The following CHML variants were observed in gnomAD, a reference collection of about 807,000 sequenced individuals.
CHML encodes CHM like Rab escort protein, also known as rab proteins geranylgeranyltransferase component A 2.
In CHML, 20 loss-of-function variants were observed where a neutral mutation model predicts 30.4. The observed-to-expected ratio is 0.66, with a 90% confidence interval of 0.46 to 0.95. The LOEUF is 0.95. Ranked by LOEUF, CHML falls within the 40% of genes least tolerant of loss-of-function variation. The pLI is 0.00. For missense variants in CHML, 795 were observed against 768.5 expected (o/e 1.03, Z -0.41); for synonymous variants, 281 against 275.0 (o/e 1.02, Z -0.22).
In CHML at chr1:241,639,893, C is replaced by A; in HGVS notation, c.-319G>T. 3 of 1,582,736 alleles carry A rather than the reference C, an allele frequency of 1.9e-6. No individual in the cohort carries two copies. Among genetic ancestry groups the A allele is most frequent in the Middle Eastern group, 1.7e-4 (1 of 5,956 alleles). The stretch of plus-strand genomic sequence containing the variant: ...CCAGTCCAACTCACCGAAGAGGCTG[C>A]CGCTAAACCCGTCCCACACGCAGCC... On this transcript the variant is annotated 5_prime_UTR_variant, in exon 1 of 2. Coordinates refer to ENST00000366553, the MANE Select transcript of CHML (RefSeq NM_001381853.1).
At position 241,630,514 on chromosome 1, in the gene CHML, TTATAC is replaced by T. The variant is rs1280512633; in HGVS notation, c.*3277_*3281del. 2 of 152,086 alleles carry T rather than the reference TTATAC, an allele frequency of 1.3e-5. No individual in the cohort carries two copies. Among genetic ancestry groups the T allele is most frequent in the Admixed American group, 6.6e-5 (1 of 15,266 alleles). The allele number at this position is 152,086 out of a possible 1,614,324, so 9.4% of individuals were successfully genotyped here. On this transcript the variant is annotated 3_prime_UTR_variant, in exon 2 of 2. Transcript: ENST00000366553. ...TGAATTAGTCTTTGTTAGTACATTT[TTATAC>T]TATAAGTTTTAGCAGTTGTAAAGCC...
rs1664726193 is a variant in CHML, at chr1:241,633,446, T to C, written c.*350A>G. 1 of 208,444 alleles carries C rather than the reference T, an allele frequency of 4.8e-6. No individual in the cohort carries two copies. The highest frequency in any genetic ancestry group is 9.6e-6 in the Non-Finnish European group (1 of 103,642). The allele number at this position is 208,444 out of a possible 1,614,324, so 12.9% of individuals were successfully genotyped here. ...ATTACTTGGGTATTACTAATTGTTCTGTAGACAAAGATAAAATCTGAAGAT... is the reference window on the plus strand; with the variant it reads ...ATTACTTGGGTATTACTAATTGTTCCGTAGACAAAGATAAAATCTGAAGAT... On this transcript the variant is annotated 3_prime_UTR_variant, in exon 2 of 2. Transcript: ENST00000366553.
At chr1:241,639,809 C>A in intron 1 of CHML, 73 bp downstream of exon 1, 1 of 1,320,372 alleles carries the variant, frequency 7.6e-7, no homozygotes, top group Non-Finnish European at 9.8e-7. Flanking sequence ...GGGGGGCGGA[C>A]GCACGGAGCG....
In CHML at chr1:241,640,326, G is replaced by A. The variant is rs1234674452; in HGVS notation, c.-752C>T. 3 of 1,085,388 alleles carry A rather than the reference G, an allele frequency of 2.8e-6. No individual in the cohort carries two copies. The highest frequency in any genetic ancestry group is 9.0e-5 in the South Asian group (2 of 22,286). 67.2% of individuals were successfully genotyped at this position (1,085,388 alleles called of 1,614,324 possible). A position where few individuals can be genotyped will look rare whatever the true frequency, so the allele number is the denominator to read the frequency against. ...CGGGGCTCGCGGCGCGCTCCGCACT[G>A]GGTGGGGTTGGGGCTCCGCCGCCTG... is the stretch of plus-strand genomic sequence containing the variant. On this transcript the variant is annotated 5_prime_UTR_variant, in exon 1 of 2. Coordinates refer to ENST00000366553, the MANE Select transcript of CHML (RefSeq NM_001381853.1).
Position 241,635,329 on chromosome 1 carries a change from C to G in CHML, c.438G>C (p.Ser146=). ...DSALPEESQL[S]YFNSDEMPAK... ...CAGGCATTTCGTCGCTATTAAAATA[C>G]GATAACTGGCTTTCTTCAGGTAATG... The change falls in exon 2 of 2, where the codon TCG becomes TCC. Residue 146 remains serine, a synonymous_variant. Coordinates refer to ENST00000366553, the MANE Select transcript of CHML (RefSeq NM_001381853.1). 1.2e-6 allele frequency: 2 copies of G among 1,613,708 alleles called. No individual in the cohort carries two copies. Among genetic ancestry groups the G allele is most frequent in the Non-Finnish European group, 1.7e-6 (2 of 1,179,878 alleles).
rs371072991 is a variant in CHML at position 241,639,793 on chromosome 1, C to T, written c.-308+89G>A. Reference sequence around the variant, plus strand: ...GGGCCGAGCGGGAAGCGGTGCGGGGCGGGCTGGGGGGCGGACGCACGGAGC... The same window carrying T: ...GGGCCGAGCGGGAAGCGGTGCGGGGTGGGCTGGGGGGCGGACGCACGGAGC... On this transcript the variant is annotated intron_variant, in intron 1 of 1. Transcript: ENST00000366553. 9,908 of 1,071,794 alleles carry T rather than the reference C, an allele frequency of 9.2e-3. 116 individuals are homozygous for T. Among genetic ancestry groups the T allele is most frequent in the East Asian group, 0.054 (1,451 of 26,830 alleles). 66.4% of individuals were successfully genotyped at this position (1,071,794 alleles called of 1,614,324 possible).
chr1:241,634,008 C>G lies in CHML; in HGVS notation c.1759G>C (p.Glu587Gln). The G allele has an allele frequency of 6.2e-7, 1 of 1,613,874 alleles. No individual in the cohort carries two copies. Among genetic ancestry groups the G allele is most frequent in the South Asian group, 1.1e-5 (1 of 91,060 alleles). The change falls in exon 2 of 2, where the codon GAG becomes CAG. Residue 587 changes from glutamate to glutamine, a missense_variant. Glu to Gln is a conservative substitution (Grantham distance 29). Coordinates refer to ENST00000366553, the MANE Select transcript of CHML (RefSeq NM_001381853.1). ...GTTTCAGCTTGCTTGACAGCATGCT[C>G]ATTTCCCAGGCCACAGTCAGGCCCA... ...CSGPDCGLGN[E>Q]HAVKQAETLF... is the part of the protein sequence containing the mutation.
Position 241,635,918 on chromosome 1 carries a change from T to C in CHML, c.-152A>G. On this transcript the variant is annotated 5_prime_UTR_variant, in exon 2 of 2. Coordinates refer to ENST00000366553, the MANE Select transcript of CHML (RefSeq NM_001381853.1). ...GTTTAACGGTTACCCTTTTAAAATATTTTTTTTCTTATAAGTCAGTAGCAT... is the reference window on the plus strand; with the variant it reads ...GTTTAACGGTTACCCTTTTAAAATACTTTTTTTCTTATAAGTCAGTAGCAT... The C allele has an allele frequency of 1.5e-6, 1 of 689,246 alleles. No individual in the cohort carries two copies. The highest frequency in any genetic ancestry group is 2.4e-6 in the Non-Finnish European group (1 of 419,100). 42.7% of individuals were successfully genotyped at this position (689,246 alleles called of 1,614,324 possible).
Position 241,639,933 on chromosome 1 carries a change from C to A in CHML, c.-359G>T. 6.2e-7 allele frequency: 1 copy of A among 1,607,624 alleles called. No homozygotes were observed. The highest frequency in any genetic ancestry group is 1.1e-5 in the South Asian group (1 of 90,254). On this transcript the variant is annotated 5_prime_UTR_variant, in exon 1 of 2. Coordinates refer to ENST00000366553, the MANE Select transcript of CHML (RefSeq NM_001381853.1). ...CACACGCAGCCCACGGTGTCCCACA[C>A]CCAGCCGTTCCTCAGGCAGGACACG...
chr1:241,639,967 G>C lies in CHML; in HGVS notation c.-393C>G. 6.2e-7 allele frequency: 1 copy of C among 1,612,126 alleles called. No homozygotes were observed. Among genetic ancestry groups the C allele is most frequent in the Non-Finnish European group, 8.5e-7 (1 of 1,179,252 alleles). On this transcript the variant is annotated 5_prime_UTR_variant, in exon 1 of 2. Transcript: ENST00000366553. ...TCCTCAGGCAGGACACGAAGGTAAA[G>C]GTGACCCCGAAGAGGGACACCAGCA...
intron 1 of CHML, among the ~76,000 whole-genome samples, chr1:241,637,123 C>A (rs1398140684): frequency 1.3e-5 from 2 of 152,154 alleles, no homozygotes; most frequent in Non-Finnish European, 2.9e-5. Flanking sequence ...AACAATACTG[C>A]TAAACTTTCT....
At position 241,640,122 on chromosome 1, in the gene CHML, C is replaced by A; in HGVS notation, c.-548G>T. On this transcript the variant is annotated 5_prime_UTR_variant, in exon 1 of 2. Coordinates refer to ENST00000366553, the MANE Select transcript of CHML (RefSeq NM_001381853.1). The stretch of plus-strand genomic sequence containing the variant: ...AGCCCAATGGAGCCCAGCAGCAGCG[C>A]CAGGCGCTCGTAGGTGCCGGGGCTG... 6.3e-7 allele frequency: 1 copy of A among 1,597,094 alleles called. No individual in the cohort carries two copies. Among genetic ancestry groups the A allele is most frequent in the South Asian group, 1.1e-5 (1 of 89,374 alleles).
rs1474296082 is a variant in CHML, at chr1:241,630,621, G to T, written c.*3175C>A. 6.6e-6 allele frequency: 1 copy of T among 151,820 alleles called. No homozygotes were observed. Among genetic ancestry groups the T allele is most frequent in the Non-Finnish European group, 1.5e-5 (1 of 67,882 alleles). 9.4% of individuals were successfully genotyped at this position (151,820 alleles called of 1,614,324 possible). Reference sequence around the variant, plus strand: ...ATGCTGGCTTTTATTGCAATGACAGGTCTCTTTAACCATATATAAAAATAG... The same window carrying T: ...ATGCTGGCTTTTATTGCAATGACAGTTCTCTTTAACCATATATAAAAATAG... On this transcript the variant is annotated 3_prime_UTR_variant, in exon 2 of 2. Coordinates refer to ENST00000366553, the MANE Select transcript of CHML (RefSeq NM_001381853.1).
intron 1 of CHML, 51 bp downstream of exon 1, chr1:241,639,831 G>A (rs1307963621): frequency 1.4e-6 from 2 of 1,417,378 alleles, no homozygotes; most frequent in East Asian, 5.7e-5. Flanking sequence ...GCAGCGGGGT[G>A]GGGAGTGGAA....
Position 241,629,344 on chromosome 1 carries a change from A to G in CHML, c.*4452T>C, listed in dbSNP as rs619532. 3.9e-5 allele frequency: 6 copies of G among 152,272 alleles called. No individual in the cohort carries two copies. Among genetic ancestry groups the G allele is most frequent in the African/African-American group, 1.2e-4 (5 of 41,568 alleles). 9.4% of individuals were successfully genotyped at this position (152,272 alleles called of 1,614,324 possible). ...GCTACTAATACACAATGCTGCTGCT[A>G]TAAGGACACATGCAATTAAAACAGT... is the stretch of plus-strand genomic sequence containing the variant. On this transcript the variant is annotated 3_prime_UTR_variant, in exon 2 of 2. Transcript: ENST00000366553.
rs1664654120 is a variant in CHML, at chr1:241,631,999, C to T, written c.*1797G>A. 6.6e-6 allele frequency: 1 copy of T among 152,080 alleles called. No individual in the cohort carries two copies. Among genetic ancestry groups the T allele is most frequent in the South Asian group, 2.1e-4 (1 of 4,814 alleles). 9.4% of individuals were successfully genotyped at this position (152,080 alleles called of 1,614,324 possible). A position where few individuals can be genotyped will look rare whatever the true frequency, so the allele number is the denominator to read the frequency against. On this transcript the variant is annotated 3_prime_UTR_variant, in exon 2 of 2. Transcript: ENST00000366553. ...ATTACTAATAATTCTCTTATTTCTT[C>T]TTTGAAGGTGATATGGTTTGGCTGT...
At position 241,635,876 on chromosome 1, in the gene CHML, A is replaced by G; in HGVS notation, c.-110T>C. Reference sequence around the variant, plus strand: ...GTTCCAGTTATCCCAGAAGCACTGAAGTTGCAGGTCCTAGCTGTTTAACGG... The same window carrying G: ...GTTCCAGTTATCCCAGAAGCACTGAGGTTGCAGGTCCTAGCTGTTTAACGG... On this transcript the variant is annotated 5_prime_UTR_variant, in exon 2 of 2. Coordinates refer to ENST00000366553, the MANE Select transcript of CHML (RefSeq NM_001381853.1). 1 of 1,101,806 alleles carries G rather than the reference A, an allele frequency of 9.1e-7. No individual in the cohort carries two copies. Among genetic ancestry groups the G allele is most frequent in the Non-Finnish European group, 1.3e-6 (1 of 765,980 alleles). 68.3% of individuals were successfully genotyped at this position (1,101,806 alleles called of 1,614,324 possible).
chr1:241,628,912 G>C lies in CHML; in HGVS notation c.*4884C>G, dbSNP rs1198769112. On this transcript the variant is annotated 3_prime_UTR_variant, in exon 2 of 2. Transcript: ENST00000366553. Reference sequence around the variant, plus strand: ...TTATTGCATACATCAATATTTAACAGAAGAAAAATAAAGAACCCCTAATGT... The same window carrying C: ...TTATTGCATACATCAATATTTAACACAAGAAAAATAAAGAACCCCTAATGT... The C allele has an allele frequency of 6.6e-6, 1 of 152,434 alleles. No homozygotes were observed. The highest frequency in any genetic ancestry group is 1.9e-4 in the East Asian group (1 of 5,198). 9.4% of individuals were successfully genotyped at this position (152,434 alleles called of 1,614,324 possible).
At position 241,632,539 on chromosome 1, in the gene CHML, T is replaced by C. The variant is rs1349553384; in HGVS notation, c.*1257A>G. On this transcript the variant is annotated 3_prime_UTR_variant, in exon 2 of 2. Coordinates refer to ENST00000366553, the MANE Select transcript of CHML (RefSeq NM_001381853.1). Reference sequence around the variant, plus strand: ...AGAGGAAAAGCAAGTTCATGTCTTCTGACAGCTCCACAGGTTTTCACCATT... The same window carrying C: ...AGAGGAAAAGCAAGTTCATGTCTTCCGACAGCTCCACAGGTTTTCACCATT... 6.6e-6 allele frequency: 1 copy of C among 152,158 alleles called. No homozygotes were observed. The highest frequency in any genetic ancestry group is 1.5e-5 in the Non-Finnish European group (1 of 68,000). 9.4% of individuals were successfully genotyped at this position (152,158 alleles called of 1,614,324 possible).
Sources: gnomAD v4.1 joint callset for allele counts (sites outside exome capture counted in the v4.1 genomes callset) on GRCh38, gnomAD v4.1.1 for gene constraint, MANE v1.5 for transcripts, NCBI Gene and HGNC (gene_info 2026-07-23, HGNC 2026-07-21) for gene names.